Variants in MMP15 observed in about 807,000 individuals in gnomAD.
MMP15 encodes the protein matrix metallopeptidase 15.
In MMP15, 36 loss-of-function variants were observed where a neutral mutation model predicts 65.0. The ratio of observed to expected loss-of-function variants is 0.55; its 90% CI spans 0.42 to 0.73. The LOEUF (loss-of-function observed/expected upper bound fraction) is 0.73, where lower values mean the gene tolerates loss of function less well. MMP15 is among the 30% of genes least tolerant of loss of function. The pLI is 0.00. For synonymous variants in MMP15, 428 were observed against 410.2 expected (o/e 1.04, Z -0.52); for missense variants, 870 against 987.8 (o/e 0.88, Z 1.60).
At chr16:58,034,318 C>T (rs560033709) in intron 1 of MMP15, among the ~76,000 whole-genome samples, 6 of 152,346 alleles carry the variant, frequency 3.9e-5, no homozygotes, top group South Asian at 4.1e-4. Context: ...AAGCTCCCCA[C>T]GCTGCCCACC....
At chr16:58,030,666 A>T (rs914857493) in intron 1 of MMP15, among the ~76,000 whole-genome samples, 2 of 152,120 alleles carry the variant, frequency 1.3e-5, no homozygotes, top group Non-Finnish European at 2.9e-5. Context: ...CCTAGGAGTG[A>T]CTGTCACCCT....
chr16:58,045,366 T>C lies in MMP15; in HGVS notation c.1930T>C (p.Tyr644His). The C allele has an allele frequency of 6.3e-7, 1 of 1,596,858 alleles. No homozygotes were observed. The highest frequency in any genetic ancestry group is 8.5e-7 in the Non-Finnish European group (1 of 1,173,996). Reference protein sequence around the residue: ...LLLLCVLGLTYALVQMQRKGA... With the variant: ...LLLLCVLGLTHALVQMQRKGA... ...GCTGCTCTGCGTCCTGGGCCTCACC[T>C]ACGCGCTGGTGCAGATGCAGCGCAA... is the stretch of plus-strand genomic sequence containing the variant. The change falls in exon 10 of 10, where the codon TAC becomes CAC. Residue 644 changes from tyrosine to histidine, a missense_variant. Transcript: ENST00000219271.
At chr16:58,030,645 C>CT (rs927484336) in intron 1 of MMP15, among the ~76,000 whole-genome samples, 1 of 152,158 alleles carries the variant, frequency 6.6e-6, no homozygotes, top group African/African-American at 2.4e-5. Context: ...CTGGCACTGC[C>CT]TTGTCCTTCC....
intron 1 of MMP15, among the ~76,000 whole-genome samples, chr16:58,035,835 C>T (rs979203792): frequency 7.2e-5 from 11 of 152,194 alleles, no homozygotes; most frequent in African/African-American, 2.4e-4. Context: ...CCATGCTGCC[C>T]CTCCTTGGGT....
chr16:58,041,943 C>T, intron 6 of MMP15, 73 bp downstream of exon 6: 1 of 1,480,752 alleles, frequency 6.8e-7, no homozygotes, highest in Non-Finnish European at 9.0e-7. Flanking sequence ...CCCACCCTCA[C>T]TCAGCAGGCC....
chr16:58,042,105 T>A (rs1353710745), intron 6 of MMP15, 126 bp from the exon 7 acceptor site: 4 of 1,279,044 alleles, frequency 3.1e-6, no homozygotes, highest in Non-Finnish European at 4.3e-6. Flanking sequence ...AGCCACTGCC[T>A]GCCTCAGTAT....
Position 58,045,869 on chromosome 16 carries a change from GTC to G in MMP15, c.*429_*430del, listed in dbSNP as rs1422256851. 5.5e-6 allele frequency: 1 copy of G among 182,016 alleles called. No homozygotes were observed. The highest frequency in any genetic ancestry group is 1.2e-5 in the Non-Finnish European group (1 of 86,458). The allele number at this position is 182,016 out of a possible 1,614,324, so 11.3% of individuals were successfully genotyped here. Reference sequence around the variant, plus strand: ...CCCTGGTCCCCTCCTTCCCAAGTGAGTCTCTCTGGGCCTTAGGAAGAGCCTTC... The same window carrying G: ...CCCTGGTCCCCTCCTTCCCAAGTGAGTCTCTGGGCCTTAGGAAGAGCCTTC... On this transcript the variant is annotated 3_prime_UTR_variant, in exon 10 of 10. Transcript: ENST00000219271.
At chr16:58,040,865 A>G (rs1959438121) in intron 5 of MMP15, 167 bp downstream of exon 5, 2 of 1,082,446 alleles carry the variant, frequency 1.8e-6, no homozygotes, top group Non-Finnish European at 2.7e-6. Flanking sequence ...ACTGGAAATG[A>G]AACCCAGGGC....
chr16:58,039,316 C>T (rs1339160914), intron 3 of MMP15, among the ~76,000 whole-genome samples: 3 of 152,246 alleles, frequency 2.0e-5, no homozygotes, highest in Non-Finnish European at 4.4e-5. Flanking sequence ...CCTGTAATCC[C>T]AGCTACTTGG....
intron 3 of MMP15, 36 bp downstream of exon 3, chr16:58,038,430 C>T (rs750743619): frequency 6.2e-7 from 1 of 1,611,132 alleles, no homozygotes; most frequent in South Asian, 1.1e-5. Flanking sequence ...GCATCTGCCC[C>T]TCGGCAGGCC....
At chr16:58,039,500 A>C (rs1288237658) in intron 3 of MMP15, among the ~76,000 whole-genome samples, 1 of 152,262 alleles carries the variant, frequency 6.6e-6, no homozygotes, top group African/African-American at 2.4e-5. Context: ...ATACTGTTAG[A>C]GCCAGGCCTT....
At chr16:58,039,257 A>C (rs1567430540) in intron 3 of MMP15, among the ~76,000 whole-genome samples, 1 of 152,048 alleles carries the variant, frequency 6.6e-6, no homozygotes. Flanking sequence ...ACATGGAAAA[A>C]CCCCGTCTCT....
chr16:58,027,860 C>T (rs999531606), intron 1 of MMP15, among the ~76,000 whole-genome samples: 3 of 151,742 alleles, frequency 2.0e-5, no homozygotes, highest in Non-Finnish European at 4.4e-5. Flanking sequence ...AGTCTGGCCA[C>T]CCTCCCCCAC....
chr16:58,038,098 C>T (rs1265586161), intron 2 of MMP15, among the ~76,000 whole-genome samples, 168 bp from the exon 3 acceptor site: 1 of 152,230 alleles, frequency 6.6e-6, no homozygotes. Context: ...TCTTCCAATA[C>T]AGGCATTTTG....
In MMP15 at chr16:58,042,295, A is replaced by C; in HGVS notation, c.1229A>C (p.His410Pro). The C allele has an allele frequency of 6.2e-7, 1 of 1,614,186 alleles. No homozygotes were observed. Among genetic ancestry groups the C allele is most frequent in the East Asian group, 2.2e-5 (1 of 44,892 alleles). The change falls in exon 7 of 10, where the codon CAC becomes CCC. Residue 410 changes from histidine to proline, a missense_variant. Physicochemically the swap from His to Pro is moderately conservative, Grantham distance 77. Coordinates refer to ENST00000219271, the MANE Select transcript of MMP15 (RefSeq NM_002428.4). ...GACAACTATCCCATGCCCATCGGGC[A>C]CTTCTGGCGTGGTCTGCCCGGTGAC... ...VLDNYPMPIGHFWRGLPGDIS... is the reference protein window; with the variant it reads ...VLDNYPMPIGPFWRGLPGDIS...
intron 1 of MMP15, among the ~76,000 whole-genome samples, chr16:58,026,925 C>T (rs899143779): frequency 2.0e-5 from 3 of 152,242 alleles, no homozygotes; most frequent in African/African-American, 7.2e-5. Flanking sequence ...GAGGGGGCTG[C>T]TCTCGGGGAC....
Position 58,040,120 on chromosome 16 carries a change from T to C in MMP15, c.686T>C (p.Leu229Pro), listed in dbSNP as rs149670324. The C allele has an allele frequency of 1.2e-6, 2 of 1,613,674 alleles. No homozygotes were observed. Among genetic ancestry groups the C allele is most frequent in the African/African-American group, 1.3e-5 (1 of 74,952 alleles). ...CACGCCTATTTCCCTGGCCCCGGCC[T>C]AGGCGGGGACACCCATTTTGACGCA... ...LAHAYFPGPG[L>P]GGDTHFDADE... is the part of the protein sequence containing the mutation. The change falls in exon 4 of 10, where the codon CTA becomes CCA. Residue 229 changes from leucine (L) to proline (P), a missense_variant. Leu to Pro is a moderately conservative substitution (Grantham distance 98). Coordinates refer to ENST00000219271, the MANE Select transcript of MMP15 (RefSeq NM_002428.4).
rs763787013 is a variant in MMP15, at chr16:58,040,142, C to T, written c.708C>T (p.Asp236=). Residue 236 remains aspartate (D), a synonymous_variant, in exon 4 of 10, where the codon GAC becomes GAT. Coordinates refer to ENST00000219271, the MANE Select transcript of MMP15 (RefSeq NM_002428.4). ...GPGLGGDTHF[D]ADEPWTFSST... ...GCCTAGGCGGGGACACCCATTTTGA[C>T]GCAGATGAGCCCTGGACCTTCTCCA... 2.1e-5 allele frequency: 34 copies of T among 1,612,884 alleles called. No individual in the cohort carries two copies. The highest frequency in any genetic ancestry group is 1.0e-4 in the Admixed American group (6 of 60,008).
At position 58,038,346 on chromosome 16, in the gene MMP15, G is replaced by A. The variant is rs753429517; in HGVS notation, c.392G>A (p.Arg131His). ...VKANLRRRRKRYALTGRKWNN... is the reference protein window; with the variant it reads ...VKANLRRRRKHYALTGRKWNN... Reference sequence around the variant, plus strand: ...GCCAACCTGCGGCGGCGTCGGAAGCGCTACGCCCTCACCGGGAGGAAGTGG... The same window carrying A: ...GCCAACCTGCGGCGGCGTCGGAAGCACTACGCCCTCACCGGGAGGAAGTGG... Residue 131 changes from arginine to histidine, a missense_variant, in exon 3 of 10, where the codon CGC becomes CAC. Coordinates refer to ENST00000219271, the MANE Select transcript of MMP15 (RefSeq NM_002428.4). The A allele has an allele frequency of 7.4e-6, 12 of 1,614,054 alleles. No individual in the cohort carries two copies. Among genetic ancestry groups the A allele is most frequent in the African/African-American group, 4.0e-5 (3 of 75,044 alleles).
Sources: allele counts gnomAD v4.1 joint callset (sites outside exome capture counted in the v4.1 genomes callset), GRCh38; gene constraint gnomAD v4.1.1; transcripts MANE v1.5; gene names NCBI Gene and HGNC (gene_info 2026-07-23, HGNC 2026-07-21).